Variants in RFX3 observed in about 807,000 individuals in gnomAD.
RFX3 encodes the protein regulatory factor X3, also known as transcription factor RFX3.
A neutral mutation model predicts 98.6 loss-of-function variants in RFX3; 14 were observed. The ratio of observed to expected loss-of-function variants is 0.14; its 90% confidence interval spans 0.09 to 0.22. The LOEUF (loss-of-function observed/expected upper bound fraction) is 0.22. Among genes scored for constraint, RFX3 ranks in the 10% least tolerant of loss-of-function variants. RFX3 has a pLI of 1.00. For missense variants in RFX3, 639 were observed against 926.9 expected (o/e 0.69, Z 4.03); for synonymous variants, 383 against 328.4 (o/e 1.17, Z -1.80).
At chr9:3,368,355 G>A (rs530714252) in intron 2 of RFX3, among the ~76,000 whole-genome samples, 87 of 152,100 alleles carry the variant, frequency 5.7e-4, no homozygotes, top group Admixed American at 1.1e-3. Context: ...TTAGTAAAAT[G>A]TGTTCCCTTT....
At chr9:3,398,134 C>T (rs1050715326) in intron 1 of RFX3, among the ~76,000 whole-genome samples, 1 of 152,144 alleles carries the variant, frequency 6.6e-6, no homozygotes, top group Non-Finnish European at 1.5e-5. Flanking sequence ...TCTCCAAACA[C>T]ACACACACAC....
chr9:3,466,147 G>A (rs1035608005), intron 1 of RFX3, among the ~76,000 whole-genome samples: 2 of 152,084 alleles, frequency 1.3e-5, no homozygotes, highest in African/African-American at 4.8e-5. Flanking sequence ...CTCTGTAGCA[G>A]GAAAATAGAG....
At chr9:3,456,354 T>C (rs1164241000) in intron 1 of RFX3, among the ~76,000 whole-genome samples, 1 of 152,182 alleles carries the variant, frequency 6.6e-6, no homozygotes, top group Admixed American at 6.5e-5. Context: ...GACAAACCTA[T>C]ATGCAAAATT....
chr9:3,512,411 A>G (rs1217207805), intron 1 of RFX3, among the ~76,000 whole-genome samples: 2 of 152,130 alleles, frequency 1.3e-5, no homozygotes, highest in South Asian at 2.1e-4. Flanking sequence ...AGGAATATAT[A>G]CATTTATGGT....
Position 3,222,910 on chromosome 9 carries a change from A to C in RFX3, c.*2132T>G, listed in dbSNP as rs181442895. The C allele has an allele frequency of 7.3e-4, 111 of 152,340 alleles. No homozygotes were observed. The highest frequency in any genetic ancestry group is 2.6e-3 in the African/African-American group (110 of 41,586). The allele number at this position is 152,340 out of a possible 1,614,324, so 9.4% of individuals were successfully genotyped here. A position where few individuals can be genotyped will look rare whatever the true frequency, so the allele number is the denominator to read the frequency against. On this transcript the variant is annotated 3_prime_UTR_variant, in exon 17 of 17. Coordinates refer to ENST00000617270, the MANE Select transcript of RFX3 (RefSeq NM_001282116.2). Reference sequence around the variant, plus strand: ...AATTTGGATCAGTTTTTAAAATTACATCTAAAATATTTAAATTTTACTTAA... The same window carrying C: ...AATTTGGATCAGTTTTTAAAATTACCTCTAAAATATTTAAATTTTACTTAA...
Position 3,225,058 on chromosome 9 carries a change from G to C in RFX3, c.2234C>G (p.Thr745Ser), listed in dbSNP as rs1022315354. The change falls in exon 17 of 17, where the codon ACC becomes AGC. Residue 745 changes from threonine (T) to serine (S), a missense_variant. Thr to Ser is a moderately conservative substitution (Grantham distance 58, BLOSUM62 1). Transcript: ENST00000617270. ...TAATATTCTTTAGACTGCAGTGTAG[G>C]TATTTCCTGTAGCGCTGCACTGTCT... ...TIRQCSATGNTYTAV is the reference protein window; with the variant it reads ...TIRQCSATGNSYTAV The C allele has an allele frequency of 1.9e-6, 3 of 1,613,712 alleles. No individual in the cohort carries two copies. The highest frequency in any genetic ancestry group is 2.7e-5 in the African/African-American group (2 of 74,900).
chr9:3,311,594 G>C (rs1448440017), intron 4 of RFX3, among the ~76,000 whole-genome samples: 3 of 152,164 alleles, frequency 2.0e-5, no homozygotes, highest in African/African-American at 7.2e-5. Context: ...TGTTAGAAAT[G>C]CTAAACAAGA....
At chr9:3,467,068 AAG>A (rs1386262857) in intron 1 of RFX3, among the ~76,000 whole-genome samples, 1 of 142,198 alleles carries the variant, frequency 7.0e-6, no homozygotes, top group Non-Finnish European at 1.5e-5. Context: ...ACATATATAT[AAG>A]TATATATGTA....
chr9:3,253,179 G>A (rs73379962), intron 14 of RFX3, among the ~76,000 whole-genome samples: 1 of 152,152 alleles, frequency 6.6e-6, no homozygotes, highest in African/African-American at 2.4e-5. Flanking sequence ...CGTGGAAATT[G>A]AAATATATGC....
chr9:3,496,769 A>G (rs1182605250), intron 1 of RFX3, among the ~76,000 whole-genome samples: 2 of 152,018 alleles, frequency 1.3e-5, no homozygotes, highest in African/African-American at 2.4e-5. Flanking sequence ...CCCTTATTCA[A>G]AAGAACCCAC....
At chr9:3,405,346 A>T (rs936537451) in intron 1 of RFX3, among the ~76,000 whole-genome samples, 1 of 152,168 alleles carries the variant, frequency 6.6e-6, no homozygotes, top group Admixed American at 6.5e-5. Flanking sequence ...ATAATTCCCA[A>T]ATCTGTAACT....
rs1391006847 is a variant in RFX3, at chr9:3,277,402, T to C, written c.911A>G (p.Gln304Arg). 3 of 1,612,866 alleles carry C rather than the reference T, an allele frequency of 1.9e-6. No homozygotes were observed. The Admixed American group carries it at 5.0e-5, about 27-fold the overall frequency. Residue 304 changes from glutamine to arginine, a missense_variant, in exon 8 of 17, where the codon CAG becomes CGG. Physicochemically the swap from Gln to Arg is conservative, Grantham distance 43 (BLOSUM62 1). This residue lies in a region of RFX3 where 86 missense variants were observed against 113.2 expected (regional missense o/e 0.76). Coordinates refer to ENST00000617270, the MANE Select transcript of RFX3 (RefSeq NM_001282116.2). ...AGTTTGCTCAACAGATGTGCCTGTC[T>C]GTTGACCACTTCCTGTGAAACCATC... ...VADGFTGSGQ[Q>R]TGTSVEQTVI...
intron 7 of RFX3, among the ~76,000 whole-genome samples, chr9:3,279,949 T>C (rs1825719233): frequency 6.6e-6 from 1 of 151,730 alleles, no homozygotes; most frequent in African/African-American, 2.4e-5. Context: ...AGGAGGTAAG[T>C]TGGTAAATTC....
chr9:3,313,726 G>A (rs577514725), intron 4 of RFX3, among the ~76,000 whole-genome samples: 1 of 152,244 alleles, frequency 6.6e-6, no homozygotes. Flanking sequence ...CGTGAAGGAT[G>A]CACAAGCTTC....
At chr9:3,248,963 T>C (rs890197330) in intron 14 of RFX3, among the ~76,000 whole-genome samples, 1 of 152,190 alleles carries the variant, frequency 6.6e-6, no homozygotes, top group Admixed American at 6.5e-5. Context: ...GGCTTCAACA[T>C]GCCAATCATT....
Position 3,221,130 on chromosome 9 carries a change from A to C in RFX3, c.*3912T>G, listed in dbSNP as rs1019254146. On this transcript the variant is annotated 3_prime_UTR_variant, in exon 17 of 17. Transcript: ENST00000617270. ...AATTGTACACAAAGGTGACTTGCCA[A>C]GTTTTTTCTTTCTACTTGTGTCCAC... 3 of 152,160 alleles carry C rather than the reference A, an allele frequency of 2.0e-5. No homozygotes were observed. Among genetic ancestry groups the C allele is most frequent in the Admixed American group, 1.3e-4 (2 of 15,266 alleles). 9.4% of individuals were successfully genotyped at this position (152,160 alleles called of 1,614,324 possible).
intron 1 of RFX3, among the ~76,000 whole-genome samples, chr9:3,520,073 G>A (rs754547256): frequency 1.3e-5 from 2 of 152,166 alleles, no homozygotes; most frequent in African/African-American, 2.4e-5. Flanking sequence ...CTATGCCACT[G>A]CACTCCAGCC....
rs79288463 is a variant in RFX3, at chr9:3,395,738, G to A, written c.-8-142C>T. 1.2e-3 allele frequency: 940 copies of A among 793,756 alleles called. 3 individuals are homozygous for A. In the African/African-American group the frequency reaches 0.013, roughly 11 times the overall value. The allele number at this position is 793,756 out of a possible 1,614,324, so 49.2% of individuals were successfully genotyped here. A position where few individuals can be genotyped will look rare whatever the true frequency, so the allele number is the denominator to read the frequency against. On this transcript the variant is annotated intron_variant, in intron 1 of 16. Transcript: ENST00000617270. ...TCCCAACATACTACCATGACAGTCC[G>A]TGCATGTGTATGGTCATTCTGACCA...
In RFX3 at chr9:3,338,677, G is replaced by C. The variant is rs192348793; in HGVS notation, c.215+7990C>G. 1.4e-3 allele frequency among the ~76,000 whole-genome samples: 209 copies of C among 152,260 alleles called. 3 individuals carry two copies. The highest frequency in any genetic ancestry group is 0.014 in the Middle Eastern group (4 of 294). On this transcript the variant is annotated intron_variant, in intron 3 of 16. Transcript: ENST00000617270. ...CACCAAAAGCTGGCATTTCTAACAA[G>C]TTCTCAGTTGATGTGAATGCTGCTA...
Sources: allele counts gnomAD v4.1 joint callset (sites outside exome capture counted in the v4.1 genomes callset), GRCh38; gene constraint gnomAD v4.1.1; regional missense constraint gnomAD v4.1.1; transcripts MANE v1.5; gene names NCBI Gene and HGNC (gene_info 2026-07-23, HGNC 2026-07-21).